The following RADIL variants were observed in gnomAD, a reference collection of about 807,000 sequenced individuals.
RADIL encodes ras-associating and dilute domain-containing protein.
A neutral mutation model predicts 97.6 loss-of-function variants in RADIL; 99 were observed. The observed-to-expected ratio is 1.01, with a 90% CI of 0.86 to 1.20. The LOEUF (loss-of-function observed/expected upper bound fraction) is 1.20, where lower values mean the gene tolerates loss of function less well. RADIL is among the 50% of genes most tolerant of loss of function. The probability of loss-of-function intolerance (pLI) is 0.00; values close to 1 mark genes in which losing one functional copy is unlikely to be tolerated. For missense variants in RADIL, 1,765 were observed against 1,498.9 expected (o/e 1.18, Z -2.93); for synonymous variants, 803 against 691.8 (o/e 1.16, Z -2.52).
At chr7:4,860,986 C>G (rs752787385) in intron 2 of RADIL, 2 of 1,614,184 alleles carry the variant, frequency 1.2e-6, no homozygotes, top group South Asian at 2.2e-5. Flanking sequence ...CTGAAAATAC[C>G]AAGAAGAATT....
chr7:4,828,802 A>G (rs1234465918), intron 5 of RADIL, among the ~76,000 whole-genome samples: 2 of 152,338 alleles, frequency 1.3e-5, no homozygotes, highest in African/African-American at 2.4e-5. Flanking sequence ...GGTCCTAACG[A>G]TGACGGTTCT....
In RADIL at chr7:4,835,060, G is replaced by A. The variant is rs1428731635; in HGVS notation, c.963C>T (p.Pro321=). The A allele has an allele frequency of 2.5e-6, 4 of 1,607,950 alleles. No individual in the cohort carries two copies. Among genetic ancestry groups the A allele is most frequent in the Admixed American group, 1.7e-5 (1 of 59,428 alleles). ...AGAAGTTGACGGAGATGTGCGCCCC[G>A]GGGATGGGCTCCAGGACCAGCCTCC... ...AAGRLVLEPI[P]GAHISVNFSE... Residue 321 remains proline, a synonymous_variant, in exon 4 of 15, where the codon CCC becomes CCT. Transcript: ENST00000399583. This position sits in a 1 kb window ranked among gnomAD's most constrained non-coding sequence, Gnocchi z 5.8.
rs1000974675 is a variant in RADIL at position 4,840,409 on chromosome 7, G to A, written c.536-3804C>T. Among the ~76,000 whole-genome samples, 5 of 152,082 alleles carry A rather than the reference G, an allele frequency of 3.3e-5. No individual in the cohort carries two copies. Among genetic ancestry groups the A allele is most frequent in the African/African-American group, 2.4e-5 (1 of 41,418 alleles). On this transcript the variant is annotated intron_variant, in intron 2 of 14. Coordinates refer to ENST00000399583, the MANE Select transcript of RADIL (RefSeq NM_018059.5). The surrounding 1 kb of genome is among the most constrained non-coding windows in gnomAD (Gnocchi z 5.6). The stretch of plus-strand genomic sequence containing the variant: ...CCGAGGCACGTGGAGAGCATCCCTC[G>A]TGATGCTGACCCCAGCCACCTTCAG...
rs1562432542 is a variant in RADIL at position 4,813,074 on chromosome 7, T to TC, written c.2139+2203_2139+2204insG. 0.025 allele frequency among the ~76,000 whole-genome samples: 3,708 copies of TC among 147,776 alleles called. 58 individuals are homozygous for TC. The highest frequency in any genetic ancestry group is 0.033 in the Non-Finnish European group (2,193 of 66,788). ...TTCATCCTTACCCCAAGGTTCTTCT[T>TC]TCTCTCTCTCTCTCTCTCTCTCTCT... On this transcript the variant is annotated intron_variant, in intron 9 of 14. Coordinates refer to ENST00000399583, the MANE Select transcript of RADIL (RefSeq NM_018059.5). The surrounding 1 kb of genome is among the most constrained non-coding windows in gnomAD (Gnocchi z 5.0).
At chr7:4,876,043 G>T (rs1344958435) in intron 2 of RADIL, among the ~76,000 whole-genome samples, 1 of 152,038 alleles carries the variant, frequency 6.6e-6, no homozygotes, top group Non-Finnish European at 1.5e-5. Context: ...CTGTTGCCTG[G>T]GCTAGAGTGC....
intron 2 of RADIL, among the ~76,000 whole-genome samples, chr7:4,870,187 T>C (rs1047155010): frequency 2.6e-5 from 4 of 152,108 alleles, no homozygotes; most frequent in African/African-American, 9.7e-5. Context: ...GGACACCAAG[T>C]CTTGCAAGGA....
In RADIL at chr7:4,842,587, C is replaced by T. The variant is rs951823896; in HGVS notation, c.536-5982G>A. ...CCAGCTCCCACGGACTCTGAACAGC[C>T]CTGGAAAGAAAAACACAGGCTCTTC... On this transcript the variant is annotated intron_variant, in intron 2 of 14. Transcript: ENST00000399583. The surrounding 1 kb of genome is among the most constrained non-coding windows in gnomAD (Gnocchi z 4.5). Among the ~76,000 whole-genome samples the T allele has an allele frequency of 6.6e-6, 1 of 152,096 alleles. No homozygotes were observed. Among genetic ancestry groups the T allele is most frequent in the Non-Finnish European group, 1.5e-5 (1 of 68,008 alleles).
intron 5 of RADIL, among the ~76,000 whole-genome samples, chr7:4,831,199 GAAAA>G (rs1554262870): frequency 8.4e-6 from 1 of 119,452 alleles, no homozygotes; most frequent in African/African-American, 3.2e-5. Flanking sequence ...CTCAAAAAAA[GAAAA>G]AAAAAAAAAA....
rs201913652 is a variant in RADIL, at chr7:4,800,206, G to A, written c.2947C>T (p.Pro983Ser). The A allele has an allele frequency of 9.0e-5, 144 of 1,608,342 alleles. 1 individual carries two copies. In the Middle Eastern group the frequency reaches 3.0e-3, roughly 33 times the overall value. ...YVFTVELERG[P>S]SGLGMGLIDG... Reference sequence around the variant, plus strand: ...ATCAGGCCCATCCCCAGCCCGGAGGGGCCTCGTTCCAGCTCCACCGTGAAG... The same window carrying A: ...ATCAGGCCCATCCCCAGCCCGGAGGAGCCTCGTTCCAGCTCCACCGTGAAG... Residue 983 changes from proline (P) to serine (S), a missense_variant, in exon 13 of 15, where the codon CCC becomes TCC. Physicochemically the swap from Pro to Ser is moderately conservative, Grantham distance 74. Coordinates refer to ENST00000399583, the MANE Select transcript of RADIL (RefSeq NM_018059.5).
chr7:4,836,116 C>T (rs1278921872), intron 3 of RADIL, among the ~76,000 whole-genome samples: 2 of 152,242 alleles, frequency 1.3e-5, no homozygotes, highest in Non-Finnish European at 2.9e-5. Context: ...AGGGCACCCA[C>T]TCTGGGATTG....
intron 11 of RADIL, among the ~76,000 whole-genome samples, chr7:4,802,789 C>G (rs1292614749): frequency 2.5e-5 from 3 of 118,594 alleles, no homozygotes; most frequent in African/African-American, 1.1e-4. Context: ...GCCCCCTCCC[C>G]AGACACCTCG....
intron 2 of RADIL, among the ~76,000 whole-genome samples, chr7:4,870,894 C>G (rs1393682629): frequency 1.3e-5 from 2 of 152,188 alleles, no homozygotes; most frequent in Non-Finnish European, 2.9e-5. Context: ...CTCCGGGACT[C>G]ACTCAGCTCA....
At chr7:4,853,879 T>C (rs1021797186) in intron 2 of RADIL, among the ~76,000 whole-genome samples, 5 of 152,146 alleles carry the variant, frequency 3.3e-5, no homozygotes, top group African/African-American at 1.2e-4. Flanking sequence ...TTCCTCTTAA[T>C]AGCATAAGCC....
In RADIL at chr7:4,806,145, ATTTG is replaced by A. The variant is rs913219811; in HGVS notation, c.2140-433_2140-430del. ...TTAGGTGACAGGAGGCAGGGAAAAC[ATTTG>A]TTTGTTTGCTTGTTTTTTGAGACAG... On this transcript the variant is annotated intron_variant, in intron 9 of 14. Transcript: ENST00000399583. 87 of 823,318 alleles carry A rather than the reference ATTTG, an allele frequency of 1.1e-4. 1 individual carries two copies. The Middle Eastern group carries it at 1.9e-3, about 18-fold the overall frequency. 51.0% of individuals were successfully genotyped at this position (823,318 alleles called of 1,614,324 possible).
At chr7:4,863,319 C>T (rs1036300186) in intron 2 of RADIL, among the ~76,000 whole-genome samples, 3 of 152,124 alleles carry the variant, frequency 2.0e-5, no homozygotes, top group Non-Finnish European at 4.4e-5. Flanking sequence ...GTTAAACATA[C>T]TTATTTAGTA....
chr7:4,797,906 G>A lies in RADIL; in HGVS notation c.*1472C>T, dbSNP rs570686221. 2 of 152,008 alleles carry A rather than the reference G, an allele frequency of 1.3e-5. No individual in the cohort carries two copies. The highest frequency in any genetic ancestry group is 2.1e-4 in the South Asian group (1 of 4,818). 9.4% of individuals were successfully genotyped at this position (152,008 alleles called of 1,614,324 possible). On this transcript the variant is annotated 3_prime_UTR_variant, in exon 15 of 15. Coordinates refer to ENST00000399583, the MANE Select transcript of RADIL (RefSeq NM_018059.5). ...GGAGAATTGCTTGAACCTGGGAGGT[G>A]GAGGTTGCAGTGAGCTGAGATTGCA...
At position 4,836,530 on chromosome 7, in the gene RADIL, C is replaced by G; in HGVS notation, c.611G>C (p.Arg204Pro). 3 of 1,607,480 alleles carry G rather than the reference C, an allele frequency of 1.9e-6. No homozygotes were observed. The highest frequency in any genetic ancestry group is 2.5e-6 in the Non-Finnish European group (3 of 1,179,240). ...GTPTPALGDA[R>P]SSPPPRLRRT... ...GCGCAACCGGGGTGGAGGAGAGCTC[C>G]GGGCATCCCCCAGGGCCGGGGTCGG... Residue 204 changes from arginine to proline, a missense_variant, in exon 3 of 15, where the codon CGG (arginine) becomes CCG (proline). Transcript: ENST00000399583.
chr7:4,881,718 C>T (rs1338507241), intron 1 of RADIL, among the ~76,000 whole-genome samples: 2 of 146,280 alleles, frequency 1.4e-5, no homozygotes, highest in African/African-American at 5.2e-5. Context: ...CAGAGTGAGA[C>T]TCCGTCTCAA....
At chr7:4,803,869 C>G (rs1158781946) in intron 10 of RADIL, 115 bp from the exon 11 acceptor site, 1 of 942,118 alleles carries the variant, frequency 1.1e-6, no homozygotes, top group Non-Finnish European at 1.7e-6. Context: ...CCTGAGTCCC[C>G]TGCCCTGTGG....
Sources: gnomAD v4.1 joint callset for allele counts (sites outside exome capture counted in the v4.1 genomes callset) on GRCh38, gnomAD v4.1.1 for gene constraint, Gnocchi (gnomAD v3.1) non-coding constraint, MANE v1.5 for transcripts, NCBI Gene and HGNC (gene_info 2026-07-23, HGNC 2026-07-21) for gene names.